The following MN1 variants were observed in gnomAD, a reference collection of about 807,000 sequenced individuals.
MN1 encodes the protein MN1 proto-oncogene, transcriptional regulator, also known as transcriptional activator MN1.
Under a neutral mutation model 86.9 loss-of-function variants are expected in MN1, and 19 were observed. The observed-to-expected ratio is 0.22, with a 90% CI of 0.15 to 0.32. The LOEUF is 0.32. MN1 is among the 10% of genes least tolerant of loss of function. The pLI, the probability that MN1 is intolerant of heterozygous loss-of-function variation, is 1.00. For synonymous variants in MN1, 928 were observed against 849.6 expected, an observed-to-expected ratio of 1.09 and a Z score of -1.60; for missense variants, 1,841 against 1,862.0, an observed-to-expected ratio of 0.99 and a Z score of 0.21.
At chr22:27,755,719 G>A (rs905759326) in intron 1 of MN1, among the ~76,000 whole-genome samples, 12 of 152,222 alleles carry the variant, frequency 7.9e-5, no homozygotes, top group Middle Eastern at 3.4e-3. Context: ...TGCTCACCCC[G>A]CTGCGATCAC....
chr22:27,766,327 C>T (rs907013394), intron 1 of MN1, among the ~76,000 whole-genome samples: 1 of 152,198 alleles, frequency 6.6e-6, no homozygotes, highest in African/African-American at 2.4e-5. Context: ...ACTGACTTGG[C>T]TCTTCGTGCT....
intron 1 of MN1, among the ~76,000 whole-genome samples, chr22:27,777,082 A>G (rs1932987909): frequency 6.6e-6 from 1 of 152,114 alleles, no homozygotes; most frequent in Admixed American, 6.5e-5. Flanking sequence ...GCTCCCTACA[A>G]TCCCTTTACC....
At position 27,798,267 on chromosome 22, in the gene MN1, G is replaced by T. The variant is rs904678119; in HGVS notation, c.2277C>A (p.Ser759Arg). 4 of 1,527,704 alleles carry T rather than the reference G, an allele frequency of 2.6e-6. No homozygotes were observed. Among genetic ancestry groups the T allele is most frequent in the South Asian group, 2.4e-5 (2 of 82,342 alleles). The allele number at this position is 1,527,704 out of a possible 1,614,324, so 94.6% of individuals were successfully genotyped here. The part of the protein sequence containing the change: ...GAAGRQSTPH[S>R]GPGVNSPPSA... ...TGGGGGGCGAGTTCACGCCTGGACCGCTGTGCGGCGTGGACTGCCGGCCGG... is the reference window on the plus strand; with the variant it reads ...TGGGGGGCGAGTTCACGCCTGGACCTCTGTGCGGCGTGGACTGCCGGCCGG... Residue 759 changes from serine (S) to arginine (R), a missense_variant, in exon 1 of 2, where the codon AGC becomes AGA. By Grantham distance (110) the Ser-to-Arg change is moderately radical. Transcript: ENST00000302326.
intron 1 of MN1, among the ~76,000 whole-genome samples, chr22:27,754,262 G>A (rs141803615): frequency 8.7e-4 from 132 of 152,328 alleles, no homozygotes; most frequent in African/African-American, 2.7e-3. Context: ...TAAGCGTGCC[G>A]TGCACTAACG....
chr22:27,797,235 G>T lies in MN1; in HGVS notation c.3309C>A (p.Leu1103=), dbSNP rs1406363750. Residue 1103 remains leucine, a synonymous_variant, in exon 1 of 2, where the codon CTC becomes CTA. Coordinates refer to ENST00000302326, the MANE Select transcript of MN1 (RefSeq NM_002430.3). The part of the protein sequence containing the change: ...EHGPKAPPPA[L]GLGIMSNSTS... Reference sequence around the variant, plus strand: ...TAGAGTTAGACATGATGCCCAGGCCGAGGGCGGGCGGGGGCGCCTTCGGTC... The same window carrying T: ...TAGAGTTAGACATGATGCCCAGGCCTAGGGCGGGCGGGGGCGCCTTCGGTC... 1 of 1,569,618 alleles carries T rather than the reference G, an allele frequency of 6.4e-7. No individual in the cohort carries two copies. The highest frequency in any genetic ancestry group is 8.6e-7 in the Non-Finnish European group (1 of 1,164,240).
At chr22:27,769,265 G>A (rs1932894617) in intron 1 of MN1, among the ~76,000 whole-genome samples, 1 of 152,166 alleles carries the variant, frequency 6.6e-6, no homozygotes. Context: ...AACTAATCCA[G>A]ATTAGCACTT....
At position 27,800,377 on chromosome 22, in the gene MN1, C is replaced by T; in HGVS notation, c.167G>A (p.Gly56Asp). 1 of 1,611,588 alleles carries T rather than the reference C, an allele frequency of 6.2e-7. No individual in the cohort carries two copies. The highest frequency in any genetic ancestry group is 8.5e-7 in the Non-Finnish European group (1 of 1,178,528). ...GPVDPAMSAL[G>D]EPPILGMNME... ...GTTCATGCCCAAGATCGGGGGTTCG[C>T]CCAGCGCGCTCATAGCAGGATCCAC... Residue 56 changes from glycine (G) to aspartate (D), a missense_variant, in exon 1 of 2, where the codon GGC becomes GAC. Coordinates refer to ENST00000302326, the MANE Select transcript of MN1 (RefSeq NM_002430.3).
intron 1 of MN1, among the ~76,000 whole-genome samples, chr22:27,752,421 G>T (rs546504479): frequency 3.3e-5 from 5 of 152,114 alleles, no homozygotes; most frequent in African/African-American, 7.2e-5. Flanking sequence ...CTGGGGTGGG[G>T]GAGTCTATTC....
Position 27,751,044 on chromosome 22 carries a change from C to A in MN1, c.3834G>T (p.Leu1278Phe). The change falls in exon 2 of 2, where the codon TTG (leucine) becomes TTT (phenylalanine). Residue 1278 changes from leucine to phenylalanine, a missense_variant. Leu to Phe is a conservative substitution (Grantham distance 22). Coordinates refer to ENST00000302326, the MANE Select transcript of MN1 (RefSeq NM_002430.3). ...KASASQPGSH[L>F]QCLSVHCTDD... ...CTGTGCAGTGGACAGACAGGCACTG[C>A]AAGTGGCTGCCAGGCTGGGATGCTG... The A allele has an allele frequency of 6.2e-7, 1 of 1,601,046 alleles. No individual in the cohort carries two copies. The highest frequency in any genetic ancestry group is 8.5e-7 in the Non-Finnish European group (1 of 1,171,470).
Position 27,798,627 on chromosome 22 carries a change from G to T in MN1, c.1917C>A (p.Pro639=), listed in dbSNP as rs1163937068. The change falls in exon 1 of 2, where the codon CCC becomes CCA. Residue 639 remains proline, a synonymous_variant. Coordinates refer to ENST00000302326, the MANE Select transcript of MN1 (RefSeq NM_002430.3). ...SAWFSGPHPP[P]GDLLPRRMGG... is the part of the protein sequence containing the mutation. The stretch of plus-strand genomic sequence containing the variant: ...CCATCCTACGGGGCAGCAGGTCTCC[G>T]GGCGGCGGATGCGGACCTGAGAACC... 6.4e-7 allele frequency: 1 copy of T among 1,561,792 alleles called. No individual in the cohort carries two copies. The highest frequency in any genetic ancestry group is 2.3e-5 in the East Asian group (1 of 42,666).
intron 1 of MN1, among the ~76,000 whole-genome samples, chr22:27,769,627 G>A (rs926395948): frequency 7.0e-5 from 9 of 128,902 alleles, no homozygotes; most frequent in East Asian, 2.5e-4. Context: ...ATCTCGGCTC[G>A]CTGCAAGCTC....
At position 27,797,854 on chromosome 22, in the gene MN1, C is replaced by A; in HGVS notation, c.2690G>T (p.Ser897Ile). 1 of 1,582,254 alleles carries A rather than the reference C, an allele frequency of 6.3e-7. No individual in the cohort carries two copies. The highest frequency in any genetic ancestry group is 1.1e-5 in the South Asian group (1 of 87,594). The change falls in exon 1 of 2, where the codon AGT becomes ATT. Residue 897 changes from serine (S) to isoleucine (I), a missense_variant. Ser to Ile is a moderately radical substitution (Grantham distance 142, BLOSUM62 -2). Coordinates refer to ENST00000302326, the MANE Select transcript of MN1 (RefSeq NM_002430.3). ...APGPGGPSGT[S>I]SSGSKASGPP... ...CCCCGAGGCTTTGGAGCCGCTGCTA[C>A]TGGTCCCGGACGGGCCTCCGGGTCC...
rs1933323941 is a variant in MN1 at position 27,797,596 on chromosome 22, C to G, written c.2948G>C (p.Gly983Ala). ...TGCGGAGCTTCCCCCGACGGCTGCG[C>G]CTGACGCTTGCTGCTGCCCTGGGCT... The part of the protein sequence containing the change: ...GVSPGQQQAS[G>A]AAVGGSSAGE... The change falls in exon 1 of 2, where the codon GGC (glycine) becomes GCC (alanine). Residue 983 changes from glycine to alanine, a missense_variant. Transcript: ENST00000302326. 5 of 1,596,404 alleles carry G rather than the reference C, an allele frequency of 3.1e-6. No individual in the cohort carries two copies. Among genetic ancestry groups the G allele is most frequent in the Non-Finnish European group, 4.3e-6 (5 of 1,170,912 alleles).
In MN1 at chr22:27,797,561, G is replaced by C; in HGVS notation, c.2983C>G (p.Arg995Gly). The C allele has an allele frequency of 6.2e-7, 1 of 1,607,124 alleles. No homozygotes were observed. The highest frequency in any genetic ancestry group is 1.3e-5 in the African/African-American group (1 of 74,950). The change falls in exon 1 of 2, where the codon CGC (arginine) becomes GGC (glycine). Residue 995 changes from arginine to glycine, a missense_variant. Transcript: ENST00000302326. Reference sequence around the variant, plus strand: ...TTTTCGTGGGGCGTCGGTGCCCCGCGCGTCTCGCCTGCGGAGCTTCCCCCG... The same window carrying C: ...TTTTCGTGGGGCGTCGGTGCCCCGCCCGTCTCGCCTGCGGAGCTTCCCCCG... ...AVGGSSAGET[R>G]GAPTPHEKAL... is the part of the protein sequence containing the mutation.
chr22:27,782,219 A>C (rs906172320), intron 1 of MN1, among the ~76,000 whole-genome samples: 2 of 152,210 alleles, frequency 1.3e-5, no homozygotes, highest in African/African-American at 4.8e-5. Flanking sequence ...GCCCCGAACA[A>C]GGAGAAGGTC....
chr22:27,793,294 C>T (rs1205376413), intron 1 of MN1, among the ~76,000 whole-genome samples: 3 of 150,630 alleles, frequency 2.0e-5, no homozygotes, highest in Non-Finnish European at 4.4e-5. Context: ...CATTATCTCT[C>T]CTCTCTGTGT....
intron 1 of MN1, among the ~76,000 whole-genome samples, chr22:27,777,886 A>G (rs950686047): frequency 3.3e-5 from 5 of 152,028 alleles, no homozygotes; most frequent in Admixed American, 6.5e-5. Flanking sequence ...CCAAAAAAAA[A>G]AAAGAAAGAA....
chr22:27,761,923 G>A lies in MN1; in HGVS notation c.3782-10827C>T, dbSNP rs886320868. Among the ~76,000 whole-genome samples, 5 of 152,320 alleles carry A rather than the reference G, an allele frequency of 3.3e-5. No homozygotes were observed. In the East Asian group the frequency reaches 7.7e-4, roughly 24 times the overall value. On this transcript the variant is annotated intron_variant, in intron 1 of 1. Coordinates refer to ENST00000302326, the MANE Select transcript of MN1 (RefSeq NM_002430.3). Reference sequence around the variant, plus strand: ...GGCTGCAAGGGCATCATCGGAACCCGGCTGCCAGGAGCTGGGGGCAGGACC... The same window carrying A: ...GGCTGCAAGGGCATCATCGGAACCCAGCTGCCAGGAGCTGGGGGCAGGACC...
chr22:27,754,674 G>A (rs866820376), intron 1 of MN1, among the ~76,000 whole-genome samples: 11 of 152,290 alleles, frequency 7.2e-5, no homozygotes, highest in Non-Finnish European at 1.2e-4. Context: ...AGTCGCTGCC[G>A]ATAAATCAGT....
Sources: allele counts gnomAD v4.1 joint callset (sites outside exome capture counted in the v4.1 genomes callset), GRCh38; gene constraint gnomAD v4.1.1; transcripts MANE v1.5; gene names NCBI Gene and HGNC (gene_info 2026-07-23, HGNC 2026-07-21).